Variants in PDE7B observed in about 807,000 individuals in gnomAD.
PDE7B encodes phosphodiesterase 7B.
PDE7B carries 29 observed loss-of-function variants against 56.2 expected under a neutral mutation model. The ratio of observed to expected loss-of-function variants is 0.52; its 90% CI spans 0.38 to 0.70. The LOEUF is 0.70. PDE7B is among the 30% of genes least tolerant of loss of function. PDE7B has a pLI of 0.00. For synonymous variants in PDE7B, 197 were observed against 196.9 expected (o/e 1.00, Z 0.00); for missense variants, 490 against 565.0 (o/e 0.87, Z 1.35).
At chr6:135,950,918 T>G (rs1242349463) in intron 2 of PDE7B, among the ~76,000 whole-genome samples, 1 of 152,190 alleles carries the variant, frequency 6.6e-6, no homozygotes, top group Non-Finnish European at 1.5e-5. Flanking sequence ...CGAGTTACTC[T>G]GGTGCGCCGG....
chr6:136,085,872 C>T (rs972051461), intron 2 of PDE7B, among the ~76,000 whole-genome samples: 4 of 152,122 alleles, frequency 2.6e-5, no homozygotes, highest in Non-Finnish European at 4.4e-5. Context: ...ACAACAAACA[C>T]TTCAGGCTCA....
intron 1 of PDE7B, among the ~76,000 whole-genome samples, chr6:135,885,956 A>G (rs1775701819): frequency 6.6e-6 from 1 of 152,208 alleles, no homozygotes; most frequent in Admixed American, 6.5e-5. Flanking sequence ...AGTCTATAAT[A>G]GAGGATCCTT....
chr6:136,015,620 G>T (rs1775965917), intron 2 of PDE7B, among the ~76,000 whole-genome samples: 1 of 152,156 alleles, frequency 6.6e-6, no homozygotes, highest in African/African-American at 2.4e-5. Context: ...GGGGGAAATT[G>T]TCAACTATGA....
chr6:135,978,587 C>A (rs8180560), intron 2 of PDE7B, among the ~76,000 whole-genome samples: 42,795 of 151,824 alleles, frequency 0.28, 7,349 homozygotes, highest in Admixed American at 0.41. Flanking sequence ...TTTTTTACTC[C>A]TTTATAATAA....
At chr6:136,064,654 C>T (rs1160682617) in intron 2 of PDE7B, 11 of 152,210 alleles carry the variant, frequency 7.2e-5, no homozygotes, top group Non-Finnish European at 1.6e-4. Flanking sequence ...AGAGGTAAGA[C>T]AATCAGCTCC....
chr6:136,176,073 C>G (rs1005636223), intron 9 of PDE7B, among the ~76,000 whole-genome samples: 2 of 151,964 alleles, frequency 1.3e-5, no homozygotes, highest in Non-Finnish European at 2.9e-5. Flanking sequence ...CGTATATTTG[C>G]TGATCATTGC....
intron 3 of PDE7B, among the ~76,000 whole-genome samples, chr6:136,112,802 G>A (rs969639740): frequency 3.3e-5 from 5 of 152,138 alleles, no homozygotes; most frequent in Middle Eastern, 6.8e-3. Context: ...TTATTTTTGC[G>A]GGGAGGGGAA....
chr6:135,948,560 C>A (rs985931700), intron 2 of PDE7B, among the ~76,000 whole-genome samples: 3 of 151,798 alleles, frequency 2.0e-5, no homozygotes, highest in African/African-American at 7.3e-5. Flanking sequence ...AGGTGGTACA[C>A]GACTTAAGAA....
At chr6:136,121,707 T>C (rs1000108607) in intron 3 of PDE7B, among the ~76,000 whole-genome samples, 6 of 152,194 alleles carry the variant, frequency 3.9e-5, no homozygotes, top group Non-Finnish European at 7.3e-5. Flanking sequence ...CACTGGACAT[T>C]CTAGTGAAGG....
chr6:135,875,113 T>C (rs1224708107), intron 1 of PDE7B, among the ~76,000 whole-genome samples: 1 of 152,032 alleles, frequency 6.6e-6, no homozygotes, highest in Non-Finnish European at 1.5e-5. Context: ...TTTCTGTGAG[T>C]GCATATTCTT....
intron 2 of PDE7B, among the ~76,000 whole-genome samples, chr6:136,069,118 C>T (rs1435387261): frequency 2.0e-5 from 3 of 152,120 alleles, no homozygotes; most frequent in African/African-American, 7.2e-5. Flanking sequence ...CGTTAGAATG[C>T]CCTTGGCCCA....
chr6:135,898,684 G>T (rs868229790), intron 1 of PDE7B, among the ~76,000 whole-genome samples: 9 of 151,980 alleles, frequency 5.9e-5, no homozygotes, highest in South Asian at 2.1e-4. Context: ...AGCGTAAATA[G>T]CATGGCCATA....
intron 2 of PDE7B, chr6:136,047,164 C>T (rs1462695853): frequency 6.6e-6 from 1 of 152,202 alleles, no homozygotes; most frequent in African/African-American, 2.4e-5. Context: ...ATCAGCTAGA[C>T]CTGATTCTTC....
At chr6:136,077,359 A>G (rs1379184676) in intron 2 of PDE7B, among the ~76,000 whole-genome samples, 1 of 152,236 alleles carries the variant, frequency 6.6e-6, no homozygotes, top group Non-Finnish European at 1.5e-5. Flanking sequence ...GAAAATGTAA[A>G]CATAGTATCC....
At chr6:136,160,996 A>C (rs1298324296) in intron 8 of PDE7B, among the ~76,000 whole-genome samples, 1 of 152,228 alleles carries the variant, frequency 6.6e-6, no homozygotes, top group Admixed American at 6.5e-5. Flanking sequence ...AAACAAAACA[A>C]GATAAAGATA....
chr6:136,000,026 T>C (rs1426175366), intron 2 of PDE7B, among the ~76,000 whole-genome samples: 1 of 152,180 alleles, frequency 6.6e-6, no homozygotes, highest in Non-Finnish European at 1.5e-5. Flanking sequence ...GATTTTAAGC[T>C]TTTTGGCCAC....
At chr6:135,952,732 G>A (rs963829540) in intron 2 of PDE7B, among the ~76,000 whole-genome samples, 2 of 152,196 alleles carry the variant, frequency 1.3e-5, no homozygotes, top group African/African-American at 4.8e-5. Flanking sequence ...GATAAACTGG[G>A]GAGTGTTTCT....
intron 8 of PDE7B, among the ~76,000 whole-genome samples, chr6:136,172,815 G>A (rs1325232235): frequency 2.6e-5 from 4 of 152,016 alleles, no homozygotes; most frequent in Non-Finnish European, 4.4e-5. Context: ...TTTTGTATAA[G>A]GTGTAAGGAA....
chr6:136,070,882 T>C (rs899894), intron 2 of PDE7B, among the ~76,000 whole-genome samples: 73,181 of 151,866 alleles, frequency 0.48, 18,771 homozygotes, highest in African/African-American at 0.67. Context: ...CAAACTCTTG[T>C]CCAAATGAAC....
Sources: gnomAD v4.1 joint callset for allele counts (sites outside exome capture counted in the v4.1 genomes callset) on GRCh38, gnomAD v4.1.1 for gene constraint, MANE v1.5 for transcripts, NCBI Gene and HGNC (gene_info 2026-07-23, HGNC 2026-07-21) for gene names.